The following EYA2 variants were observed in gnomAD, a reference collection of about 807,000 sequenced individuals.
EYA2 encodes the protein EYA transcriptional coactivator and phosphatase 2.
A neutral mutation model predicts 69.2 loss-of-function variants in EYA2; 31 were observed. The observed-to-expected ratio is 0.45, with a 90% CI of 0.34 to 0.60. EYA2 has a LOEUF of 0.60. EYA2 is among the 20% of genes least tolerant of loss of function. EYA2 has a pLI of 0.02. For missense variants in EYA2, 622 were observed against 701.2 expected, an observed-to-expected ratio of 0.89 and a Z score of 1.28; for synonymous variants, 257 against 279.4, an observed-to-expected ratio of 0.92 and a Z score of 0.80.
rs151036686 is a variant in EYA2 at position 46,912,265 on chromosome 20, G to A, written c.-11+17278G>A. On this transcript the variant is annotated intron_variant, in intron 1 of 15. Coordinates refer to ENST00000327619, the MANE Select transcript of EYA2 (RefSeq NM_005244.5). ...CAACTGCTAACCGTGGTCTACCATGGAAACTCAAAGGCATGGATATTCAGG... is the reference window on the plus strand; with the variant it reads ...CAACTGCTAACCGTGGTCTACCATGAAAACTCAAAGGCATGGATATTCAGG... 1.3e-4 allele frequency among the ~76,000 whole-genome samples: 20 copies of A among 152,304 alleles called. No homozygotes were observed. The East Asian group carries it at 3.9e-3, about 29-fold the overall frequency.
At chr20:47,180,960 G>A (rs201085998) in intron 14 of EYA2, 24 bp downstream of exon 14, 57 of 1,610,740 alleles carry the variant, frequency 3.5e-5, no homozygotes, top group African/African-American at 1.1e-4. Context: ...ACACCTCGGC[G>A]GGGATACAGG....
Position 47,183,278 on chromosome 20 carries a change from T to C in EYA2, c.1436-13T>C. The C allele has an allele frequency of 6.2e-7, 1 of 1,612,730 alleles. No homozygotes were observed. The highest frequency in any genetic ancestry group is 8.5e-7 in the Non-Finnish European group (1 of 1,179,372). The stretch of plus-strand genomic sequence containing the variant: ...CACAGAGCGTTTTTTCTTTCCTTCC[T>C]GTGTGCGTGCAGGGAAGGAGAGCTG... On this transcript the variant is annotated splice_polypyrimidine_tract_variant and intron_variant, in intron 14 of 15. Transcript: ENST00000327619.
chr20:46,915,353 T>G (rs935421444), intron 1 of EYA2, among the ~76,000 whole-genome samples: 45 of 152,232 alleles, frequency 3.0e-4, no homozygotes, highest in Admixed American at 2.2e-3. Flanking sequence ...TGTCAAATTA[T>G]GCCCCTCTCA....
intron 5 of EYA2, among the ~76,000 whole-genome samples, chr20:47,047,865 G>C (rs2030124959): frequency 6.6e-6 from 1 of 151,704 alleles, no homozygotes; most frequent in Non-Finnish European, 1.5e-5. Flanking sequence ...TCCATGGGAG[G>C]ATTCATTTTC....
At chr20:47,121,828 T>C (rs1402538310) in intron 9 of EYA2, among the ~76,000 whole-genome samples, 1 of 151,926 alleles carries the variant, frequency 6.6e-6, no homozygotes, top group Admixed American at 6.6e-5. Context: ...AGAGAAGGGA[T>C]CAGACCCAGA....
At chr20:47,067,459 T>G (rs1015525382) in intron 5 of EYA2, among the ~76,000 whole-genome samples, 1 of 152,180 alleles carries the variant, frequency 6.6e-6, no homozygotes, top group African/African-American at 2.4e-5. Context: ...TTGGATTGTT[T>G]ATAACACAAA....
chr20:47,017,532 G>A (rs1418658684), intron 5 of EYA2, among the ~76,000 whole-genome samples: 1 of 152,016 alleles, frequency 6.6e-6, no homozygotes, highest in African/African-American at 2.4e-5. Flanking sequence ...TGATTGTCAA[G>A]GGCAGCATTT....
intron 10 of EYA2, among the ~76,000 whole-genome samples, chr20:47,146,314 T>C (rs1237187810): frequency 6.6e-6 from 1 of 152,144 alleles, no homozygotes; most frequent in African/African-American, 2.4e-5. Flanking sequence ...AATAGGCGCC[T>C]TGTGGATCTT....
At chr20:46,994,075 G>A (rs1162934440) in intron 2 of EYA2, among the ~76,000 whole-genome samples, 1 of 152,214 alleles carries the variant, frequency 6.6e-6, no homozygotes, top group Non-Finnish European at 1.5e-5. Context: ...GTAGGTGGAT[G>A]AAGACAGAAT....
Position 47,023,632 on chromosome 20 carries a change from G to GTTTTTTTT in EYA2, c.415+7350_415+7357dup, listed in dbSNP as rs60939329. On this transcript the variant is annotated intron_variant, in intron 5 of 15. Transcript: ENST00000327619. ...CATCTCCAGAAGTTTGATTTTGGGT[G>GTTTTTTTT]TTTTTTTTTTTTTTTTTTTTTTGAA... is the stretch of plus-strand genomic sequence containing the variant. 8.3e-4 allele frequency among the ~76,000 whole-genome samples: 75 copies of GTTTTTTTT among 90,066 alleles called. 2 individuals carry two copies. Among genetic ancestry groups the GTTTTTTTT allele is most frequent in the Non-Finnish European group, 9.3e-4 (43 of 46,362 alleles). 59.1% of individuals were successfully genotyped at this position (90,066 alleles called of 152,430 possible).
intron 12 of EYA2, among the ~76,000 whole-genome samples, chr20:47,175,732 C>T (rs552266018): frequency 1.3e-5 from 2 of 152,300 alleles, no homozygotes; most frequent in African/African-American, 4.8e-5. Flanking sequence ...CAGCCAGCTA[C>T]ACAAGACAGC....
At chr20:46,905,124 G>A (rs943762925) in intron 1 of EYA2, among the ~76,000 whole-genome samples, 2 of 152,008 alleles carry the variant, frequency 1.3e-5, no homozygotes, top group African/African-American at 4.8e-5. Context: ...GAGGGAAGAA[G>A]GAGACATAAA....
At chr20:47,163,511 C>T (rs900706036) in intron 10 of EYA2, among the ~76,000 whole-genome samples, 4 of 151,876 alleles carry the variant, frequency 2.6e-5, no homozygotes, top group African/African-American at 9.7e-5. Flanking sequence ...CCGGCCTGAC[C>T]AAGATGGAGA....
chr20:47,153,347 G>C (rs2033860865), intron 10 of EYA2, among the ~76,000 whole-genome samples: 1 of 151,972 alleles, frequency 6.6e-6, no homozygotes, highest in East Asian at 2.0e-4. Flanking sequence ...TCAGTGTAAA[G>C]ATAAATGAGG....
intron 1 of EYA2, among the ~76,000 whole-genome samples, chr20:46,920,545 G>A (rs1220253101): frequency 6.6e-6 from 1 of 152,040 alleles, no homozygotes; most frequent in Non-Finnish European, 1.5e-5. Context: ...TTTTCGGGAG[G>A]GAGATTTTCT....
intron 1 of EYA2, among the ~76,000 whole-genome samples, chr20:46,985,281 T>A (rs1981110069): frequency 6.6e-6 from 1 of 152,182 alleles, no homozygotes; most frequent in South Asian, 2.1e-4. Flanking sequence ...ATGAACAAGA[T>A]TCTGTGTTAA....
In EYA2 at chr20:47,072,042, G is replaced by A. The variant is rs779661969; in HGVS notation, c.416-143G>A. ...GTTGCTTTGGGAACGCTGGTGTGAG[G>A]CATTACCACTAGGAACCAGAGCTTC... On this transcript the variant is annotated intron_variant, in intron 5 of 15. Coordinates refer to ENST00000327619, the MANE Select transcript of EYA2 (RefSeq NM_005244.5). 4.1e-4 allele frequency: 305 copies of A among 743,720 alleles called. 1 individual carries two copies. Among genetic ancestry groups the A allele is most frequent in the Admixed American group, 1.1e-3 (53 of 49,146 alleles). 46.1% of individuals were successfully genotyped at this position (743,720 alleles called of 1,614,324 possible). A position where few individuals can be genotyped will look rare whatever the true frequency, so the allele number is the denominator to read the frequency against.
chr20:47,179,007 GAAAT>G (rs2034480444), intron 12 of EYA2, among the ~76,000 whole-genome samples: 1 of 151,972 alleles, frequency 6.6e-6, no homozygotes, highest in South Asian at 2.1e-4. Context: ...TTGTGAGAAT[GAAAT>G]AAATCATGTT....
intron 5 of EYA2, among the ~76,000 whole-genome samples, chr20:47,066,364 C>G (rs1008822795): frequency 6.6e-6 from 1 of 152,116 alleles, no homozygotes; most frequent in Non-Finnish European, 1.5e-5. Flanking sequence ...GAGTCAGGCA[C>G]TGGAGGCTAC....
Sources: gnomAD v4.1 joint callset for allele counts (sites outside exome capture counted in the v4.1 genomes callset) on GRCh38, gnomAD v4.1.1 for gene constraint, MANE v1.5 for transcripts, NCBI Gene and HGNC (gene_info 2026-07-23, HGNC 2026-07-21) for gene names.